The following ECSCR variants were observed in gnomAD, a reference collection of about 807,000 sequenced individuals.
ECSCR encodes endothelial cell surface expressed chemotaxis and apoptosis regulator, also known as endothelial cell-specific chemotaxis regulator.
A neutral mutation model predicts 16.7 loss-of-function variants in ECSCR; 12 were observed. That is an observed-to-expected ratio of 0.72 (90% confidence interval 0.46 to 1.17). The LOEUF (loss-of-function observed/expected upper bound fraction) is 1.17, where lower values mean the gene tolerates loss of function less well. ECSCR is among the 50% of genes most tolerant of loss of function. The pLI is 0.00. For missense variants in ECSCR, 122 were observed against 116.1 expected, an observed-to-expected ratio of 1.05 and a Z score of -0.23; for synonymous variants, 44 against 42.2, an observed-to-expected ratio of 1.04 and a Z score of -0.17.
At chr5:139,459,675 C>T (rs1389340685) in intron 1 of ECSCR, among the ~76,000 whole-genome samples, 1 of 152,232 alleles carries the variant, frequency 6.6e-6, no homozygotes, top group African/African-American at 2.4e-5. Flanking sequence ...AGCTGGGTTC[C>T]CGTCCCTCTG....
At chr5:139,450,119 T>C (rs1455288843) in intron 8 of ECSCR, among the ~76,000 whole-genome samples, 1 of 151,868 alleles carries the variant, frequency 6.6e-6, no homozygotes, top group Non-Finnish European at 1.5e-5. Flanking sequence ...GGTCTTGAAC[T>C]CCTGACCTCG....
chr5:139,461,501 G>A (rs1751302610), intron 1 of ECSCR, among the ~76,000 whole-genome samples: 1 of 152,180 alleles, frequency 6.6e-6, no homozygotes, highest in South Asian at 2.1e-4. Context: ...ATTTGAGAGT[G>A]CTGGCACTTG....
rs1287139156 is a variant in ECSCR, at chr5:139,448,752, A to G, written c.*148T>C. The G allele has an allele frequency of 3.4e-6, 5 of 1,457,152 alleles. No homozygotes were observed. In the East Asian group the frequency reaches 1.2e-4, roughly 36 times the overall value. 90.3% of individuals were successfully genotyped at this position (1,457,152 alleles called of 1,614,324 possible). On this transcript the variant is annotated 3_prime_UTR_variant, in exon 10 of 10. Coordinates refer to ENST00000618155, the MANE Select transcript of ECSCR (RefSeq NM_001077693.4). ...GTAGCTTGCTCCCAGATCTGGGGCA[A>G]TGCTAGTGTCCTTTAGATCTAGAAG...
intron 2 of ECSCR, 31 bp downstream of exon 2, chr5:139,458,108 C>T (rs1309236491): frequency 1.5e-5 from 23 of 1,546,724 alleles, no homozygotes; most frequent in Middle Eastern, 4.5e-4. Flanking sequence ...TAGGCCTACA[C>T]GCTGGAGTAG....
chr5:139,458,230 C>A (rs191237630), intron 1 of ECSCR, 47 bp from the exon 2 acceptor site: 2 of 1,534,650 alleles, frequency 1.3e-6, no homozygotes, highest in East Asian at 4.9e-5. Context: ...CCCTGCCCAG[C>A]ACAGAGCCTA....
Position 139,448,865 on chromosome 5 carries a change from A to C in ECSCR, c.*35T>G. 6.5e-7 allele frequency: 1 copy of C among 1,537,120 alleles called. No individual in the cohort carries two copies. ...CTCCTTGTAGTCACAGGGCAGCTGC[A>C]TCATCCTTGGACTCATGGGGACCCA... On this transcript the variant is annotated 3_prime_UTR_variant, in exon 10 of 10. Coordinates refer to ENST00000618155, the MANE Select transcript of ECSCR (RefSeq NM_001077693.4).
At chr5:139,455,982 C>T (rs1258477268) in intron 5 of ECSCR, among the ~76,000 whole-genome samples, 1 of 151,956 alleles carries the variant, frequency 6.6e-6, no homozygotes, top group Non-Finnish European at 1.5e-5. Flanking sequence ...ATTAGCCGGG[C>T]ATGGTGACGC....
chr5:139,462,582 C>G, intron 1 of ECSCR, 28 bp downstream of exon 1: 2 of 1,583,778 alleles, frequency 1.3e-6, no homozygotes, highest in South Asian at 1.2e-5. Context: ...AGAGGAATTG[C>G]CATGGGAAAG....
intron 1 of ECSCR, 140 bp from the exon 2 acceptor site, chr5:139,458,323 TTG>T: frequency 6.5e-6 from 5 of 766,992 alleles, no homozygotes; most frequent in East Asian, 2.7e-5. Flanking sequence ...TTGTTTTGTT[TTG>T]TTTTTTTTTT....
intron 1 of ECSCR, among the ~76,000 whole-genome samples, chr5:139,462,058 T>G (rs1751317950): frequency 6.6e-6 from 1 of 152,196 alleles, no homozygotes; most frequent in Non-Finnish European, 1.5e-5. Context: ...GATGTGAGAA[T>G]GTTAAGCACA....
Position 139,457,505 on chromosome 5 carries a change from C to T in ECSCR, c.217+40G>A, listed in dbSNP as rs765904764. ...AGAAACTGTTGGGGTCCTCACTGGG[C>T]CCTCCCTGGATGGCATTTGTAGTCT... is the stretch of plus-strand genomic sequence containing the variant. On this transcript the variant is annotated intron_variant, in intron 4 of 9. Transcript: ENST00000618155. The T allele has an allele frequency of 5.1e-6, 4 of 780,970 alleles. No homozygotes were observed. In the African/African-American group the frequency reaches 6.8e-5, roughly 13 times the overall value. 48.4% of individuals were successfully genotyped at this position (780,970 alleles called of 1,614,324 possible).
At chr5:139,458,530 A>AAAAAAAAG (rs1751219456) in intron 1 of ECSCR, among the ~76,000 whole-genome samples, 2 of 137,726 alleles carry the variant, frequency 1.5e-5, no homozygotes, top group Non-Finnish European at 3.1e-5. Context: ...AAAAAAAAAA[A>AAAAAAAAG]AAAGAAAGAA....
intron 8 of ECSCR, among the ~76,000 whole-genome samples, chr5:139,451,942 G>A (rs1751061065): frequency 6.7e-6 from 1 of 148,654 alleles, no homozygotes; most frequent in African/African-American, 2.5e-5. Flanking sequence ...GTGTGTTTAT[G>A]ATGTATGTGG....
chr5:139,457,698 A>C (rs1751189283), intron 3 of ECSCR, 59 bp downstream of exon 3: 2 of 1,595,014 alleles, frequency 1.3e-6, no homozygotes, highest in Non-Finnish European at 1.7e-6. Context: ...GGCTCCAAGC[A>C]GGTCTGAATG....
intron 8 of ECSCR, among the ~76,000 whole-genome samples, chr5:139,450,218 A>G (rs1291588902): frequency 6.6e-6 from 1 of 152,094 alleles, no homozygotes; most frequent in Non-Finnish European, 1.5e-5. Context: ...TAAAATGTAT[A>G]ATGGAGTAAT....
chr5:139,451,200 GGTGTGTGTGGTATGGGGT>G (rs1005306321), intron 8 of ECSCR, among the ~76,000 whole-genome samples: 21 of 149,294 alleles, frequency 1.4e-4, no homozygotes, highest in Non-Finnish European at 2.5e-4. Context: ...TGTGGTGTGG[GGTGTGTGTGGTATGGGGT>G]GTGTGTGTGG....
At chr5:139,459,772 G>C (rs902053027) in intron 1 of ECSCR, among the ~76,000 whole-genome samples, 1 of 152,236 alleles carries the variant, frequency 6.6e-6, no homozygotes, top group African/African-American at 2.4e-5. Context: ...AGGCCTGGGT[G>C]GACAGAGGCG....
intron 4 of ECSCR, among the ~76,000 whole-genome samples, chr5:139,456,734 G>A (rs1028853965): frequency 1.3e-5 from 2 of 152,058 alleles, no homozygotes; most frequent in African/African-American, 4.8e-5. Flanking sequence ...TGTTACCTTC[G>A]TTGTGACCAG....
chr5:139,450,426 C>T (rs1246900124), intron 8 of ECSCR, among the ~76,000 whole-genome samples: 1 of 150,312 alleles, frequency 6.7e-6, no homozygotes, highest in Non-Finnish European at 1.5e-5. Flanking sequence ...ATCATTTGAG[C>T]CCTGTTGGCA....
Sources: gnomAD v4.1 joint callset for allele counts (sites outside exome capture counted in the v4.1 genomes callset) on GRCh38, gnomAD v4.1.1 for gene constraint, MANE v1.5 for transcripts, NCBI Gene and HGNC (gene_info 2026-07-23, HGNC 2026-07-21) for gene names.